Variants in CDH13 observed in about 807,000 individuals in gnomAD.
CDH13 encodes cadherin-13.
In CDH13, 24 loss-of-function variants were observed where a neutral mutation model predicts 63.8. That is an observed-to-expected ratio of 0.38 (90% CI 0.27 to 0.53). The LOEUF (loss-of-function observed/expected upper bound fraction) is 0.53, where lower values mean the gene tolerates loss of function less well. CDH13 is among the 20% of genes least tolerant of loss of function. The probability of loss-of-function intolerance (pLI) is 0.85; values close to 1 mark genes in which losing one functional copy is unlikely to be tolerated. For missense variants in CDH13, 1,049 were observed against 903.1 expected (o/e 1.16, Z -2.07); for synonymous variants, 503 against 355.3 (o/e 1.42, Z -4.67).
intron 1 of CDH13, among the ~76,000 whole-genome samples, chr16:82,654,901 A>G (rs1367742413): frequency 6.6e-6 from 1 of 152,176 alleles, no homozygotes; most frequent in Non-Finnish European, 1.5e-5. Context: ...CTACTGAGGT[A>G]GATGGAGTGA....
At chr16:83,277,125 C>A (rs1442850201) in intron 5 of CDH13, among the ~76,000 whole-genome samples, 1 of 152,108 alleles carries the variant, frequency 6.6e-6, no homozygotes, top group Non-Finnish European at 1.5e-5. Context: ...ATACCTGTTA[C>A]AAAATGGGCA....
At chr16:83,084,953 G>C (rs1422828157) in intron 3 of CDH13, among the ~76,000 whole-genome samples, 3 of 152,192 alleles carry the variant, frequency 2.0e-5, no homozygotes, top group African/African-American at 7.2e-5. Context: ...CTCAGTGTAG[G>C]TGATGCTGGG....
At chr16:83,004,821 T>G (rs1009549837) in intron 2 of CDH13, among the ~76,000 whole-genome samples, 2 of 152,228 alleles carry the variant, frequency 1.3e-5, no homozygotes, top group African/African-American at 2.4e-5. Flanking sequence ...GAAAAGGCTG[T>G]GGATTATCAT....
intron 9 of CDH13, among the ~76,000 whole-genome samples, chr16:83,673,732 G>A (rs1400031176): frequency 6.6e-6 from 1 of 152,204 alleles, no homozygotes; most frequent in Non-Finnish European, 1.5e-5. Flanking sequence ...AGATTTCTGG[G>A]CTTGCCCCAG....
intron 1 of CDH13, among the ~76,000 whole-genome samples, chr16:82,734,420 G>C (rs2033563048): frequency 6.6e-6 from 1 of 152,202 alleles, no homozygotes; most frequent in Non-Finnish European, 1.5e-5. Flanking sequence ...AATATGCCTA[G>C]TGTGTTTGAG....
intron 5 of CDH13, among the ~76,000 whole-genome samples, chr16:83,269,548 A>T (rs548379317): frequency 6.6e-6 from 1 of 152,204 alleles, no homozygotes; most frequent in East Asian, 1.9e-4. Flanking sequence ...TGCCATGGGA[A>T]CTCAGAGAAC....
intron 1 of CDH13, among the ~76,000 whole-genome samples, chr16:82,634,136 C>T (rs1261716913): frequency 1.3e-5 from 2 of 152,220 alleles, no homozygotes; most frequent in African/African-American, 4.8e-5. Context: ...CGGAGGGCAG[C>T]AGCTGCTCAG....
intron 5 of CDH13, among the ~76,000 whole-genome samples, chr16:83,249,496 A>G (rs1202670790): frequency 6.6e-5 from 10 of 152,208 alleles, no homozygotes; most frequent in Admixed American, 6.5e-4. Flanking sequence ...AGGCACTCTG[A>G]TAAAACTTCA....
At chr16:83,776,433 C>G (rs1242586860) in intron 11 of CDH13, among the ~76,000 whole-genome samples, 1 of 152,170 alleles carries the variant, frequency 6.6e-6, no homozygotes, top group Non-Finnish European at 1.5e-5. Flanking sequence ...TGCGCTCTAA[C>G]GAAAGTTGAT....
At chr16:83,533,497 G>C (rs374861229) in intron 7 of CDH13, among the ~76,000 whole-genome samples, 2 of 152,054 alleles carry the variant, frequency 1.3e-5, no homozygotes, top group East Asian at 1.9e-4. Flanking sequence ...AGGTTTCTCA[G>C]CTCTCATAAT....
intron 1 of CDH13, among the ~76,000 whole-genome samples, chr16:82,759,488 A>G (rs1338342034): frequency 6.6e-6 from 1 of 151,738 alleles, no homozygotes; most frequent in Non-Finnish European, 1.5e-5. Flanking sequence ...ACTCATAGGT[A>G]ATTGGTTAAA....
chr16:82,899,174 G>A (rs1297679159), intron 2 of CDH13, among the ~76,000 whole-genome samples: 2 of 152,212 alleles, frequency 1.3e-5, no homozygotes, highest in African/African-American at 4.8e-5. Context: ...CACATTAGCT[G>A]AGTGTGTGGG....
intron 2 of CDH13, among the ~76,000 whole-genome samples, chr16:83,015,255 A>C (rs1014446431): frequency 6.6e-6 from 1 of 151,956 alleles, no homozygotes; most frequent in Non-Finnish European, 1.5e-5. Flanking sequence ...TAAAATGACT[A>C]TTAAATAATA....
intron 2 of CDH13, among the ~76,000 whole-genome samples, chr16:83,017,575 T>C (rs551712741): frequency 6.6e-6 from 1 of 152,290 alleles, no homozygotes; most frequent in South Asian, 2.1e-4. Context: ...CATGATACTG[T>C]TGGAGAATTG....
chr16:83,180,218 A>G (rs953822197), intron 4 of CDH13, among the ~76,000 whole-genome samples: 12 of 152,184 alleles, frequency 7.9e-5, no homozygotes, highest in African/African-American at 2.9e-4. Flanking sequence ...CCCTAAATCA[A>G]TCAACATATT....
chr16:83,100,867 C>T (rs1357681610), intron 3 of CDH13, among the ~76,000 whole-genome samples: 1 of 152,146 alleles, frequency 6.6e-6, no homozygotes, highest in African/African-American at 2.4e-5. Flanking sequence ...TTTTGTACAG[C>T]GTACAACCTT....
Position 83,274,795 on chromosome 16 carries a change from G to A in CDH13, c.636+57298G>A, listed in dbSNP as rs184450989. ...AGATCTACTACTAAGAACCTCCATG[G>A]GTGTGAACTATAATTTGTAAGCAAA... On this transcript the variant is annotated intron_variant, in intron 5 of 13. Coordinates refer to ENST00000567109, the MANE Select transcript of CDH13 (RefSeq NM_001257.5). Among the ~76,000 whole-genome samples, 308 of 152,200 alleles carry A rather than the reference G, an allele frequency of 2.0e-3. 1 individual carries two copies. Among genetic ancestry groups the A allele is most frequent in the African/African-American group, 6.9e-3 (288 of 41,536 alleles).
intron 1 of CDH13, among the ~76,000 whole-genome samples, chr16:82,842,133 TATATACAC>T (rs1163199627): frequency 6.1e-5 from 3 of 48,808 alleles, no homozygotes; most frequent in Non-Finnish European, 9.5e-5. Flanking sequence ...TATATATATA[TATATACAC>T]ATATATATAT....
chr16:82,903,880 G>C (rs2041553519), intron 2 of CDH13, among the ~76,000 whole-genome samples: 1 of 152,136 alleles, frequency 6.6e-6, no homozygotes. Flanking sequence ...CCTATAGCTA[G>C]GAAGTGGCAA....
Sources: allele counts gnomAD v4.1 joint callset (sites outside exome capture counted in the v4.1 genomes callset), GRCh38; gene constraint gnomAD v4.1.1; transcripts MANE v1.5; gene names NCBI Gene and HGNC (gene_info 2026-07-23, HGNC 2026-07-21).